The following ST3GAL1 variants were observed in gnomAD, a reference collection of about 807,000 sequenced individuals.
ST3GAL1 encodes CMP-N-acetylneuraminate-beta-galactosamide-alpha-2,3-sialyltransferase 1.
In ST3GAL1, 16 loss-of-function variants were observed where a neutral mutation model predicts 34.1. That is an observed-to-expected ratio of 0.47 (90% CI 0.32 to 0.71). The LOEUF (loss-of-function observed/expected upper bound fraction) is 0.71. Ranked by LOEUF, ST3GAL1 falls within the 30% of genes least tolerant of loss-of-function variation. ST3GAL1 has a pLI of 0.04. For missense variants in ST3GAL1, 353 were observed against 447.4 expected, an observed-to-expected ratio of 0.79 and a Z score of 1.90; for synonymous variants, 191 against 184.7, an observed-to-expected ratio of 1.03 and a Z score of -0.28.
intron 2 of ST3GAL1, among the ~76,000 whole-genome samples, chr8:133,540,924 TATATATAGAC>T (rs1184277429): frequency 6.6e-5 from 5 of 75,870 alleles, no homozygotes; most frequent in East Asian, 5.2e-4. Flanking sequence ...TATAGACATA[TATATATAGAC>T]ATATATAGAC....
At chr8:133,500,107 A>G (rs1198755422) in intron 2 of ST3GAL1, among the ~76,000 whole-genome samples, 1 of 152,210 alleles carries the variant, frequency 6.6e-6, no homozygotes, top group Non-Finnish European at 1.5e-5. Context: ...ATAACAAATG[A>G]TAATCATGCT....
At chr8:133,478,556 G>A (rs1026352275) in intron 3 of ST3GAL1, among the ~76,000 whole-genome samples, 1 of 152,184 alleles carries the variant, frequency 6.6e-6, no homozygotes, top group Non-Finnish European at 1.5e-5. Context: ...TAGGTTATTT[G>A]TAACTTGAAG....
intron 2 of ST3GAL1, among the ~76,000 whole-genome samples, chr8:133,540,782 T>TATATATAGACATATATATATAGAGAC (rs1818452548): frequency 4.8e-5 from 1 of 20,688 alleles, no homozygotes; most frequent in African/African-American, 2.2e-4. Context: ...TATAGAGACA[T>TATATATAGACATATATATATAGAGAC]ATATATATAT....
chr8:133,493,899 C>T (rs1816862517), intron 3 of ST3GAL1, among the ~76,000 whole-genome samples: 1 of 151,684 alleles, frequency 6.6e-6, no homozygotes, highest in Non-Finnish European at 1.5e-5. Flanking sequence ...TTTCTCTTGC[C>T]TCTCTGGGGT....
Position 133,459,679 on chromosome 8 carries a change from C to T in ST3GAL1, c.*85G>A. On this transcript the variant is annotated 3_prime_UTR_variant, in exon 10 of 10. Transcript: ENST00000522652. The surrounding 1 kb of genome is among the most constrained non-coding windows in gnomAD (Gnocchi z 4.7). The stretch of plus-strand genomic sequence containing the variant: ...ACACACCTGAGGCTGCCCCTCCAAG[C>T]TCCGGGATGGAACGGCTCCAGCAAG... 2 of 1,507,240 alleles carry T rather than the reference C, an allele frequency of 1.3e-6. No individual in the cohort carries two copies. The highest frequency in any genetic ancestry group is 1.3e-5 in the South Asian group (1 of 76,780). 93.4% of individuals were successfully genotyped at this position (1,507,240 alleles called of 1,614,324 possible). A position where few individuals can be genotyped will look rare whatever the true frequency, so the allele number is the denominator to read the frequency against.
At chr8:133,520,956 T>G (rs1817787512) in intron 2 of ST3GAL1, among the ~76,000 whole-genome samples, 1 of 109,532 alleles carries the variant, frequency 9.1e-6, no homozygotes, top group Non-Finnish European at 1.8e-5. Context: ...TTTTGTGGGT[T>G]GTTTTTTTTT....
At position 133,476,364 on chromosome 8, in the gene ST3GAL1, T is replaced by C. The variant is rs1816177767; in HGVS notation, c.-137A>G. ...GATCAAGCTTTAACCAGTGATTTCC[T>C]TTCACATCCAAAGAAGATAAGGGGT... On this transcript the variant is annotated 5_prime_UTR_variant, in exon 4 of 10. Coordinates refer to ENST00000522652, the MANE Select transcript of ST3GAL1 (RefSeq NM_173344.3). 4.9e-6 allele frequency: 1 copy of C among 202,314 alleles called. No individual in the cohort carries two copies. The highest frequency in any genetic ancestry group is 5.3e-5 in the Admixed American group (1 of 18,890). The allele number at this position is 202,314 out of a possible 1,614,324, so 12.5% of individuals were successfully genotyped here. A position where few individuals can be genotyped will look rare whatever the true frequency, so the allele number is the denominator to read the frequency against.
intron 2 of ST3GAL1, among the ~76,000 whole-genome samples, chr8:133,504,293 G>T (rs1433564410): frequency 6.6e-6 from 1 of 152,234 alleles, no homozygotes; most frequent in African/African-American, 2.4e-5. Context: ...CCATCGCTGG[G>T]CCTCCTGCTC....
At chr8:133,544,746 G>C (rs1246599361) in intron 2 of ST3GAL1, among the ~76,000 whole-genome samples, 1 of 152,154 alleles carries the variant, frequency 6.6e-6, no homozygotes, top group Non-Finnish European at 1.5e-5. Flanking sequence ...TTTACATGGA[G>C]TCACATACAG....
At position 133,541,638 on chromosome 8, in the gene ST3GAL1, C is replaced by T. The variant is rs4736694; in HGVS notation, c.-429+4136G>A. Reference sequence around the variant, plus strand: ...TGCTGTCAGCAGGGACAAATGCTTCCCCAGTCTTCTGCTCTAGTTTCTGTC... The same window carrying T: ...TGCTGTCAGCAGGGACAAATGCTTCTCCAGTCTTCTGCTCTAGTTTCTGTC... On this transcript the variant is annotated intron_variant, in intron 2 of 9. Coordinates refer to ENST00000522652, the MANE Select transcript of ST3GAL1 (RefSeq NM_173344.3). Among the ~76,000 whole-genome samples the T allele has an allele frequency of 8.0e-3, 1,220 of 152,330 alleles. 4 individuals carry two copies. Among genetic ancestry groups the T allele is most frequent in the Middle Eastern group, 0.051 (15 of 294 alleles).
intron 3 of ST3GAL1, among the ~76,000 whole-genome samples, chr8:133,495,695 GC>G (rs1231498030): frequency 1.3e-5 from 2 of 152,166 alleles, no homozygotes; most frequent in African/African-American, 4.8e-5. Flanking sequence ...CTTGCTGTCT[GC>G]CACAAGATGG....
chr8:133,463,111 G>A (rs1324080606), intron 8 of ST3GAL1, among the ~76,000 whole-genome samples: 1 of 152,212 alleles, frequency 6.6e-6, no homozygotes, highest in Non-Finnish European at 1.5e-5. Context: ...AGGGGTCCCC[G>A]GAGAATGTGT....
intron 1 of ST3GAL1, among the ~76,000 whole-genome samples, chr8:133,562,858 T>TCTTTCTTTCTTTC (rs1819287395): frequency 7.0e-6 from 1 of 142,410 alleles, no homozygotes. Flanking sequence ...TTCTTTTTTT[T>TCTTTCTTTCTTTC]TTTTTTTTTC....
At chr8:133,462,082 A>G (rs1238529773) in intron 8 of ST3GAL1, 88 bp from the exon 9 acceptor site, 23 of 1,578,104 alleles carry the variant, frequency 1.5e-5, no homozygotes, top group Non-Finnish European at 2.0e-5. Flanking sequence ...TGTTGTGGCC[A>G]TGGAGGCACA....
In ST3GAL1 at chr8:133,461,056, C is replaced by A. The variant is rs1169979443; in HGVS notation, c.849+819G>T. Among the ~76,000 whole-genome samples, 1 of 152,092 alleles carries A rather than the reference C, an allele frequency of 6.6e-6. No homozygotes were observed. Among genetic ancestry groups the A allele is most frequent in the Non-Finnish European group, 1.5e-5 (1 of 68,014 alleles). On this transcript the variant is annotated intron_variant, in intron 9 of 9. Coordinates refer to ENST00000522652, the MANE Select transcript of ST3GAL1 (RefSeq NM_173344.3). This position sits in a 1 kb window ranked among gnomAD's most constrained non-coding sequence, Gnocchi z 4.7. ...CAGAACCTCAAGCAAGGGTCTGGGA[C>A]CAGCTGGCTGGAGGTGGGTGGGGTG...
Position 133,509,199 on chromosome 8 carries a change from A to C in ST3GAL1, c.-428-10010T>G, listed in dbSNP as rs927969186. Among the ~76,000 whole-genome samples the C allele has an allele frequency of 2.0e-5, 3 of 152,252 alleles. No individual in the cohort carries two copies. The South Asian group carries it at 6.2e-4, about 31-fold the overall frequency. The stretch of plus-strand genomic sequence containing the variant: ...TAGCTAATTAACTAAAACTGAATGA[A>C]ATTTAAAGCACAGTTCCTCAGTGTC... On this transcript the variant is annotated intron_variant, in intron 2 of 9. Transcript: ENST00000522652.
At chr8:133,480,448 C>G (rs942068153) in intron 3 of ST3GAL1, among the ~76,000 whole-genome samples, 1 of 151,998 alleles carries the variant, frequency 6.6e-6, no homozygotes, top group Non-Finnish European at 1.5e-5. Flanking sequence ...TAGTAAATAC[C>G]CATCACAGGC....
At chr8:133,509,976 T>C (rs979159234) in intron 2 of ST3GAL1, among the ~76,000 whole-genome samples, 2 of 151,304 alleles carry the variant, frequency 1.3e-5, no homozygotes, top group Non-Finnish European at 2.9e-5. Flanking sequence ...GGAGAATTGC[T>C]TGAACCCAGA....
intron 5 of ST3GAL1, among the ~76,000 whole-genome samples, chr8:133,468,891 C>A (rs904403177): frequency 6.6e-6 from 1 of 152,168 alleles, no homozygotes; most frequent in Non-Finnish European, 1.5e-5. Context: ...AGCCAGACTC[C>A]CCTGAACCTC....
Sources: gnomAD v4.1 joint callset for allele counts (sites outside exome capture counted in the v4.1 genomes callset) on GRCh38, gnomAD v4.1.1 for gene constraint, Gnocchi (gnomAD v3.1) non-coding constraint, MANE v1.5 for transcripts, NCBI Gene and HGNC (gene_info 2026-07-23, HGNC 2026-07-21) for gene names.